Variants in ATE1 observed in about 807,000 individuals in gnomAD.
The protein encoded by ATE1 is arginyl-tRNA--protein transferase 1.
ATE1 carries 36 observed loss-of-function variants against 70.5 expected under a neutral mutation model. The observed-to-expected ratio is 0.51, with a 90% confidence interval of 0.39 to 0.67. The LOEUF (loss-of-function observed/expected upper bound fraction) is 0.67. Among genes scored for constraint, ATE1 ranks in the 30% least tolerant of loss-of-function variants. The pLI is 0.00. For missense variants in ATE1, 593 were observed against 629.5 expected, an observed-to-expected ratio of 0.94 and a Z score of 0.62; for synonymous variants, 232 against 219.3, an observed-to-expected ratio of 1.06 and a Z score of -0.51.
At position 121,790,115 on chromosome 10, in the gene ATE1, T is replaced by C. The variant is rs202154262; in HGVS notation, c.1378+54A>G. The stretch of plus-strand genomic sequence containing the variant: ...GTTAAGAGCCACAGCCACACACACA[T>C]GGATCATAAAAACAAAGCCAATGAT... On this transcript the variant is annotated intron_variant, in intron 11 of 11. Coordinates refer to ENST00000224652, the MANE Select transcript of ATE1 (RefSeq NM_001001976.3). The C allele has an allele frequency of 1.4e-5, 23 of 1,608,614 alleles. No homozygotes were observed. The Admixed American group carries it at 2.2e-4, about 15-fold the overall frequency.
At chr10:121,863,584 C>T (rs1949554544) in intron 8 of ATE1, among the ~76,000 whole-genome samples, 2 of 152,082 alleles carry the variant, frequency 1.3e-5, no homozygotes, top group South Asian at 4.2e-4. Context: ...AATACAGCCA[C>T]TCTGACTTAA....
chr10:121,903,717 G>C (rs1951075603), intron 5 of ATE1, among the ~76,000 whole-genome samples: 1 of 151,960 alleles, frequency 6.6e-6, no homozygotes, highest in African/African-American at 2.4e-5. Context: ...TTGCTTAGTT[G>C]AAGGTATCTG....
At chr10:121,869,506 A>G (rs1053801471) in intron 8 of ATE1, among the ~76,000 whole-genome samples, 1 of 152,252 alleles carries the variant, frequency 6.6e-6, no homozygotes. Context: ...AAGTGAATGA[A>G]GAACCCAGAA....
chr10:121,855,213 C>T (rs1949202151), intron 8 of ATE1, among the ~76,000 whole-genome samples: 1 of 152,190 alleles, frequency 6.6e-6, no homozygotes, highest in Admixed American at 6.5e-5. Flanking sequence ...TCCAATCTCA[C>T]TCTGTGTCCA....
intron 7 of ATE1, among the ~76,000 whole-genome samples, chr10:121,893,967 G>A (rs934462444): frequency 3.3e-5 from 5 of 151,916 alleles, no homozygotes; most frequent in Admixed American, 6.6e-5. Context: ...AAGAAACCCC[G>A]TCTTGACTAA....
At chr10:121,926,824 C>A (rs1309020061) in intron 1 of ATE1, 1 of 985,276 alleles carries the variant, frequency 1.0e-6, no homozygotes, top group Middle Eastern at 5.2e-4. Context: ...TGATTTTCTC[C>A]GTTTAAGTCC....
chr10:121,853,635 G>A (rs1280335905), intron 8 of ATE1, among the ~76,000 whole-genome samples: 8 of 151,970 alleles, frequency 5.3e-5, no homozygotes, highest in Non-Finnish European at 1.0e-4. Context: ...TTATTAAATA[G>A]AACAGATAAG....
At chr10:121,777,811 A>C (rs1945810157) in intron 11 of ATE1, among the ~76,000 whole-genome samples, 1 of 152,228 alleles carries the variant, frequency 6.6e-6, no homozygotes, top group African/African-American at 2.4e-5. Flanking sequence ...AATGTAATTC[A>C]TTATGTTTAT....
chr10:121,900,426 CTGTT>C (rs1288359628), intron 6 of ATE1, among the ~76,000 whole-genome samples: 1 of 152,180 alleles, frequency 6.6e-6, no homozygotes, highest in Non-Finnish European at 1.5e-5. Flanking sequence ...TAAAACTTGA[CTGTT>C]TGAGTTAAAA....
intron 10 of ATE1, among the ~76,000 whole-genome samples, chr10:121,821,234 G>A (rs970993437): frequency 6.6e-6 from 1 of 152,136 alleles, no homozygotes; most frequent in African/African-American, 2.4e-5. Flanking sequence ...GTGAGCCACC[G>A]CGCCTGGCCA....
In ATE1 at chr10:121,743,751, C is replaced by A; in HGVS notation, c.1486G>T (p.Ala496Ser). The A allele has an allele frequency of 6.8e-6, 11 of 1,614,088 alleles. No homozygotes were observed. The highest frequency in any genetic ancestry group is 9.3e-6 in the Non-Finnish European group (11 of 1,180,024). Residue 496 changes from alanine (A) to serine (S), a missense_variant, in exon 12 of 12, where the codon GCT becomes TCT. Coordinates refer to ENST00000224652, the MANE Select transcript of ATE1 (RefSeq NM_001001976.3). ...KKQQKDPSEE[A>S]AVLQYASLVG... The stretch of plus-strand genomic sequence containing the variant: ...AGGCTGGCGTACTGCAGAACAGCAG[C>A]CTCCTCACTTGGGTCTTTCTGCTGT...
intron 8 of ATE1, among the ~76,000 whole-genome samples, chr10:121,856,070 A>G (rs548692429): frequency 1.0e-5 from 1 of 99,826 alleles, no homozygotes; most frequent in East Asian, 3.1e-4. Flanking sequence ...GAGCAAAACT[A>G]TATCTCAAAA....
At chr10:121,834,997 T>C (rs1948381377) in intron 10 of ATE1, among the ~76,000 whole-genome samples, 2 of 152,188 alleles carry the variant, frequency 1.3e-5, no homozygotes, top group Admixed American at 1.3e-4. Context: ...TTTTCTGCTC[T>C]GAACTAATTT....
At position 121,857,909 on chromosome 10, in the gene ATE1, A is replaced by G. The variant is rs116522045; in HGVS notation, c.975+12097T>C. Among the ~76,000 whole-genome samples the G allele has an allele frequency of 3.0e-3, 459 of 152,272 alleles. 2 individuals are homozygous for G. Among genetic ancestry groups the G allele is most frequent in the African/African-American group, 0.011 (447 of 41,568 alleles). On this transcript the variant is annotated intron_variant, in intron 8 of 11. Transcript: ENST00000224652. The stretch of plus-strand genomic sequence containing the variant: ...ACTTTCTAGCTGTAGCCACTTGACT[A>G]CTGTATGTACCTCATGTAAGTAGAT...
chr10:121,855,378 G>A lies in ATE1; in HGVS notation c.976-14115C>T, dbSNP rs1296868013. ...GGATGACAGAAACCTATTCTCTGTT[G>A]GATGACAGATGACAGAGAATCTGGT... On this transcript the variant is annotated intron_variant, in intron 8 of 11. Coordinates refer to ENST00000224652, the MANE Select transcript of ATE1 (RefSeq NM_001001976.3). 5.9e-5 allele frequency among the ~76,000 whole-genome samples: 9 copies of A among 152,132 alleles called. No homozygotes were observed. In the East Asian group the frequency reaches 1.7e-3, roughly 29 times the overall value.
intron 10 of ATE1, among the ~76,000 whole-genome samples, chr10:121,816,066 T>C (rs923723040): frequency 2.6e-5 from 4 of 152,188 alleles, no homozygotes; most frequent in Non-Finnish European, 5.9e-5. Flanking sequence ...GGGCGCCTAT[T>C]CATTTCACTT....
At chr10:121,783,609 C>T (rs1169505062) in intron 11 of ATE1, among the ~76,000 whole-genome samples, 2 of 151,914 alleles carry the variant, frequency 1.3e-5, no homozygotes, top group Non-Finnish European at 2.9e-5. Flanking sequence ...CTCTGTAGTT[C>T]AACCAGCACT....
At chr10:121,805,185 T>C (rs1333158206) in intron 10 of ATE1, among the ~76,000 whole-genome samples, 1 of 152,226 alleles carries the variant, frequency 6.6e-6, no homozygotes, top group Non-Finnish European at 1.5e-5. Context: ...TATCTAGCTG[T>C]AATTGTAGGG....
intron 11 of ATE1, among the ~76,000 whole-genome samples, chr10:121,777,406 T>C (rs1449938990): frequency 6.6e-6 from 1 of 152,128 alleles, no homozygotes; most frequent in Non-Finnish European, 1.5e-5. Context: ...ATTTGAGCGA[T>C]TCTAAGAACA....
Sources: allele counts gnomAD v4.1 joint callset (sites outside exome capture counted in the v4.1 genomes callset), GRCh38; gene constraint gnomAD v4.1.1; transcripts MANE v1.5; gene names NCBI Gene and HGNC (gene_info 2026-07-23, HGNC 2026-07-21).